RBFOX1: variants seen among roughly 807,000 people sequenced by gnomAD.
RBFOX1 encodes RNA binding protein fox-1 homolog 1.
RBFOX1 carries 8 observed loss-of-function variants against 57.7 expected under a neutral mutation model. That is an observed-to-expected ratio of 0.14 (90% CI 0.08 to 0.25). RBFOX1 has a LOEUF of 0.25. RBFOX1 is among the 10% of genes least tolerant of loss of function. The probability of loss-of-function intolerance (pLI) is 1.00; values close to 1 mark genes in which losing one functional copy is unlikely to be tolerated. For synonymous variants in RBFOX1, 326 were observed against 222.4 expected (o/e 1.47, Z -4.15); for missense variants, 611 against 548.5 (o/e 1.11, Z -1.14).
At chr16:6,273,941 A>G (rs1296901404) in intron 1 of RBFOX1, among the ~76,000 whole-genome samples, 1 of 152,182 alleles carries the variant, frequency 6.6e-6, no homozygotes, top group Non-Finnish European at 1.5e-5. Flanking sequence ...AGCACATGAA[A>G]AGATGGTCTA....
At chr16:5,607,109 C>T (rs1462605270) in intron 3 of RBFOX1, among the ~76,000 whole-genome samples, 1 of 152,156 alleles carries the variant, frequency 6.6e-6, no homozygotes, top group Non-Finnish European at 1.5e-5. Flanking sequence ...CTGGAGTGGG[C>T]TGGGGAGCAG....
chr16:7,495,266 C>T (rs2068247799), intron 4 of RBFOX1, among the ~76,000 whole-genome samples: 1 of 152,218 alleles, frequency 6.6e-6, no homozygotes, highest in Admixed American at 6.5e-5. Context: ...GTGAATATTA[C>T]AGTGATTAAC....
chr16:5,808,634 C>A (rs534972437), intron 3 of RBFOX1, among the ~76,000 whole-genome samples: 1 of 152,126 alleles, frequency 6.6e-6, no homozygotes, highest in Non-Finnish European at 1.5e-5. Flanking sequence ...AGGTCCTTTA[C>A]GTCCCTTGTA....
intron 4 of RBFOX1, among the ~76,000 whole-genome samples, chr16:7,124,288 C>T (rs927476864): frequency 3.9e-5 from 6 of 152,044 alleles, no homozygotes; most frequent in African/African-American, 1.4e-4. Flanking sequence ...GTGGTGTGTG[C>T]CTTTGGTTCT....
In RBFOX1 at chr16:6,808,178, G is replaced by GTATA. The variant is rs71145298; in HGVS notation, c.-16+153547_-16+153550dup. On this transcript the variant is annotated intron_variant, in intron 3 of 15. Transcript: ENST00000550418. ...CTTATATATGTGTGTGTGTGTGTGT[G>GTATA]TATATATATATATATATATATAGTT... Among the ~76,000 whole-genome samples, 538 of 145,554 alleles carry GTATA rather than the reference G, an allele frequency of 3.7e-3. 4 individuals are homozygous for GTATA. The highest frequency in any genetic ancestry group is 0.012 in the African/African-American group (455 of 38,410).
At chr16:5,932,493 C>A (rs1236502731) in intron 4 of RBFOX1, among the ~76,000 whole-genome samples, 2 of 152,174 alleles carry the variant, frequency 1.3e-5, no homozygotes, top group Admixed American at 1.3e-4. Context: ...GACAGAGACC[C>A]CAGCCATGCC....
chr16:6,677,510 A>G (rs956143027), intron 3 of RBFOX1, among the ~76,000 whole-genome samples: 4 of 152,228 alleles, frequency 2.6e-5, no homozygotes, highest in African/African-American at 4.8e-5. Context: ...TAAATTAAGA[A>G]TTCCATATCA....
chr16:5,844,451 C>T (rs1170364962), intron 3 of RBFOX1, among the ~76,000 whole-genome samples: 2 of 152,180 alleles, frequency 1.3e-5, no homozygotes, highest in African/African-American at 2.4e-5. Flanking sequence ...TGTTTGGCCA[C>T]GTGAGAGCAA....
intron 3 of RBFOX1, among the ~76,000 whole-genome samples, chr16:6,735,448 T>C (rs988598132): frequency 2.0e-5 from 3 of 152,226 alleles, no homozygotes; most frequent in African/African-American, 4.8e-5. Context: ...TCTTAGTCTC[T>C]GCAGTGCCTG....
intron 13 of RBFOX1, among the ~76,000 whole-genome samples, chr16:7,675,367 C>G (rs1040936890): frequency 6.6e-6 from 1 of 150,608 alleles, no homozygotes; most frequent in African/African-American, 2.4e-5. Flanking sequence ...GCTAAGACCT[C>G]TTTTTGTTGT....
chr16:7,005,309 C>A (rs1408489385), intron 3 of RBFOX1, among the ~76,000 whole-genome samples: 1 of 152,166 alleles, frequency 6.6e-6, no homozygotes, highest in Admixed American at 6.5e-5. Flanking sequence ...ATCTTCCTCC[C>A]TTTCAATGAG....
chr16:5,289,191 C>G (rs796554671), intron 1 of RBFOX1: 1 of 269,102 alleles, frequency 3.7e-6, no homozygotes, highest in Admixed American at 3.7e-5. Context: ...GGCCTCCCCT[C>G]TATCCTTATC....
chr16:7,418,481 C>G (rs1285319493), intron 4 of RBFOX1, among the ~76,000 whole-genome samples: 1 of 152,182 alleles, frequency 6.6e-6, no homozygotes. Flanking sequence ...GGAGATTACG[C>G]ATTCTGTGTC....
Position 5,316,349 on chromosome 16 carries a change from T to C in RBFOX1, c.219+76244T>C, listed in dbSNP as rs577979109. Among the ~76,000 whole-genome samples, 15 of 152,338 alleles carry C rather than the reference T, an allele frequency of 9.8e-5. No individual in the cohort carries two copies. The South Asian group carries it at 1.7e-3, about 17-fold the overall frequency. Reference sequence around the variant, plus strand: ...TATAATGTGATGGCCAAGTTTGTCTTTGCTCAACTGTGTGCCTGTGTGTCT... The same window carrying C: ...TATAATGTGATGGCCAAGTTTGTCTCTGCTCAACTGTGTGCCTGTGTGTCT... On this transcript the variant is annotated intron_variant, in intron 1 of 2. Transcript: ENST00000585867.
intron 2 of RBFOX1, among the ~76,000 whole-genome samples, chr16:5,520,247 G>A (rs1434172628): frequency 6.6e-6 from 1 of 152,206 alleles, no homozygotes; most frequent in African/African-American, 2.4e-5. Context: ...CTTGTAGGCT[G>A]AAGTAAAGAT....
At chr16:6,969,751 T>A (rs1328383202) in intron 3 of RBFOX1, among the ~76,000 whole-genome samples, 2 of 151,784 alleles carry the variant, frequency 1.3e-5, no homozygotes, top group Non-Finnish European at 2.9e-5. Context: ...CTCAAATAAA[T>A]AAAAATAAGG....
intron 1 of RBFOX1, among the ~76,000 whole-genome samples, chr16:6,272,709 G>A (rs959680161): frequency 2.0e-4 from 31 of 152,108 alleles, no homozygotes; most frequent in Admixed American, 5.9e-4. Context: ...ACAGTAATCC[G>A]GTGTGGCAAT....
intron 1 of RBFOX1, among the ~76,000 whole-genome samples, chr16:6,123,090 A>T (rs1026547835): frequency 1.3e-5 from 2 of 152,200 alleles, no homozygotes; most frequent in African/African-American, 4.8e-5. Context: ...GCAAAATTTT[A>T]GGAGATCCCT....
At chr16:5,318,120 C>T (rs1050869061) in intron 1 of RBFOX1, among the ~76,000 whole-genome samples, 5 of 151,620 alleles carry the variant, frequency 3.3e-5, no homozygotes, top group Admixed American at 2.6e-4. Context: ...TTGTTTACAC[C>T]TACTGTTTTT....
Sources: allele counts gnomAD v4.1 joint callset (sites outside exome capture counted in the v4.1 genomes callset), GRCh38; gene constraint gnomAD v4.1.1; transcripts MANE v1.5; gene names NCBI Gene and HGNC (gene_info 2026-07-23, HGNC 2026-07-21).